AGBL4: variants seen among roughly 807,000 people sequenced by gnomAD.
AGBL4 encodes the protein cytosolic carboxypeptidase 6.
In AGBL4, 58 loss-of-function variants were observed where a neutral mutation model predicts 66.4. That is an observed-to-expected ratio of 0.87 (90% CI 0.71 to 1.09). The LOEUF is 1.09. Among genes scored for constraint, AGBL4 ranks in the 50% least tolerant of loss-of-function variants. The pLI is 0.00. For synonymous variants in AGBL4, 234 were observed against 222.9 expected, an observed-to-expected ratio of 1.05 and a Z score of -0.44; for missense variants, 579 against 631.0, an observed-to-expected ratio of 0.92 and a Z score of 0.88.
chr1:48,627,825 T>C (rs986638645), intron 9 of AGBL4, among the ~76,000 whole-genome samples: 5 of 152,068 alleles, frequency 3.3e-5, no homozygotes, highest in African/African-American at 9.7e-5. Context: ...TCTGAGGGAC[T>C]CTGGAGGTAA....
intron 4 of AGBL4, among the ~76,000 whole-genome samples, chr1:49,126,734 G>A (rs770449080): frequency 1.7e-4 from 26 of 152,030 alleles, no homozygotes; most frequent in Non-Finnish European, 1.5e-4. Flanking sequence ...TTATAACATG[G>A]TGCCTCTTTT....
chr1:48,682,545 AATACACCT>A (rs545628731), intron 6 of AGBL4, among the ~76,000 whole-genome samples: 2 of 151,934 alleles, frequency 1.3e-5, no homozygotes, highest in Non-Finnish European at 2.9e-5. Context: ...AGTAGCTGGG[AATACACCT>A]GGCTAATTTT....
At chr1:49,967,376 A>G (rs1253454096) in intron 1 of AGBL4, among the ~76,000 whole-genome samples, 1 of 152,214 alleles carries the variant, frequency 6.6e-6, no homozygotes, top group Non-Finnish European at 1.5e-5. Context: ...ACATGGATGA[A>G]GCTGGAAACC....
chr1:48,735,682 C>T (rs1648929725), intron 6 of AGBL4, among the ~76,000 whole-genome samples: 1 of 152,068 alleles, frequency 6.6e-6, no homozygotes, highest in Non-Finnish European at 1.5e-5. Context: ...AGAAAGGAAG[C>T]TGAATCTAGT....
intron 3 of AGBL4, among the ~76,000 whole-genome samples, chr1:49,381,789 T>C (rs1337142476): frequency 7.3e-6 from 1 of 137,412 alleles, no homozygotes; most frequent in Admixed American, 8.6e-5. Flanking sequence ...AGGTGGGAAT[T>C]GAACAATGAG....
chr1:49,980,502 A>G (rs966472056), intron 1 of AGBL4, among the ~76,000 whole-genome samples: 6 of 152,194 alleles, frequency 3.9e-5, no homozygotes, highest in African/African-American at 1.4e-4. Context: ...AATACCACAT[A>G]TAAGTGGAAT....
intron 3 of AGBL4, among the ~76,000 whole-genome samples, chr1:49,263,996 A>G (rs917728891): frequency 5.1e-4 from 78 of 152,306 alleles, no homozygotes; most frequent in African/African-American, 1.8e-3. Context: ...AGAAACTTCC[A>G]AAAACTATGT....
intron 5 of AGBL4, among the ~76,000 whole-genome samples, chr1:48,891,846 A>G (rs1294267643): frequency 6.6e-6 from 1 of 152,100 alleles, no homozygotes; most frequent in African/African-American, 2.4e-5. Context: ...CAGACACCCA[A>G]CCCTGAACTT....
At chr1:48,613,403 T>A (rs906703153) in intron 9 of AGBL4, among the ~76,000 whole-genome samples, 1 of 152,214 alleles carries the variant, frequency 6.6e-6, no homozygotes, top group Non-Finnish European at 1.5e-5. Flanking sequence ...CCTAAACTCA[T>A]ATTCTGATTC....
intron 3 of AGBL4, among the ~76,000 whole-genome samples, chr1:49,288,770 A>C (rs144314491): frequency 1.3e-5 from 2 of 152,320 alleles, no homozygotes; most frequent in East Asian, 3.9e-4. Context: ...CTTGAGATGA[A>C]GGGCTATGCC....
At chr1:48,803,766 C>T (rs1309583781) in intron 6 of AGBL4, among the ~76,000 whole-genome samples, 4 of 152,198 alleles carry the variant, frequency 2.6e-5, no homozygotes, top group Admixed American at 6.5e-5. Flanking sequence ...GTATCCTATG[C>T]TTTACCCTCT....
rs932230161 is a variant in AGBL4 at position 49,839,879 on chromosome 1, G to A, written c.157+11517C>T. Among the ~76,000 whole-genome samples the A allele has an allele frequency of 3.3e-5, 5 of 152,152 alleles. No individual in the cohort carries two copies. In the East Asian group the frequency reaches 9.6e-4, roughly 29 times the overall value. The stretch of plus-strand genomic sequence containing the variant: ...TAATTCTATGAGGGAAATTCCACGA[G>A]GGACAAGAAGCTAAACCCACTGGTC... On this transcript the variant is annotated intron_variant, in intron 2 of 13. Transcript: ENST00000371839.
intron 3 of AGBL4, among the ~76,000 whole-genome samples, chr1:49,664,029 T>A (rs1205005432): frequency 1.3e-5 from 2 of 152,032 alleles, no homozygotes; most frequent in African/African-American, 4.8e-5. Flanking sequence ...AATAAAGACA[T>A]AATTGAAGAA....
At chr1:48,528,024 G>A (rs1005139789), downstream of AGBL4, among the ~76,000 whole-genome samples, 1 of 152,196 alleles carries the variant, frequency 6.6e-6, no homozygotes, top group African/African-American at 2.4e-5. Flanking sequence ...GGTGGGAGTG[G>A]CTAGGAGGGA....
At chr1:49,951,871 C>A (rs889361454) in intron 1 of AGBL4, among the ~76,000 whole-genome samples, 2 of 151,702 alleles carry the variant, frequency 1.3e-5, no homozygotes, top group Non-Finnish European at 2.9e-5. Flanking sequence ...TTTAGCAGTT[C>A]ATTTATGGTT....
chr1:48,540,122 A>T (rs1644040981), intron 11 of AGBL4, among the ~76,000 whole-genome samples: 1 of 152,138 alleles, frequency 6.6e-6, no homozygotes, highest in African/African-American at 2.4e-5. Context: ...GAGCCAGGTA[A>T]GCAAAAAACC....
chr1:49,389,579 C>A (rs1644805300), intron 3 of AGBL4, among the ~76,000 whole-genome samples: 2 of 152,112 alleles, frequency 1.3e-5, no homozygotes, highest in South Asian at 4.1e-4. Context: ...CATGCCTGAA[C>A]TAAGCTGGTT....
rs561001636 is a variant in AGBL4 at position 48,951,229 on chromosome 1, A to G, written c.595-83999T>C. Reference sequence around the variant, plus strand: ...ATGGTCAGCAAAAGCATCAGAAGGTAGGACTACTGTGTGCTGCATTATGTC... The same window carrying G: ...ATGGTCAGCAAAAGCATCAGAAGGTGGGACTACTGTGTGCTGCATTATGTC... On this transcript the variant is annotated intron_variant, in intron 5 of 13. Coordinates refer to ENST00000371839, the MANE Select transcript of AGBL4 (RefSeq NM_032785.4). Among the ~76,000 whole-genome samples the G allele has an allele frequency of 7.9e-5, 12 of 152,290 alleles. No individual in the cohort carries two copies. In the East Asian group the frequency reaches 2.3e-3, roughly 29 times the overall value.
intron 6 of AGBL4, among the ~76,000 whole-genome samples, chr1:48,743,362 C>T (rs1186573439): frequency 2.6e-5 from 4 of 152,174 alleles, no homozygotes; most frequent in Admixed American, 1.3e-4. Flanking sequence ...ACACAAATTA[C>T]ATGCAGTTTA....
Sources: gnomAD v4.1 joint callset for allele counts (sites outside exome capture counted in the v4.1 genomes callset) on GRCh38, gnomAD v4.1.1 for gene constraint, MANE v1.5 for transcripts, NCBI Gene and HGNC (gene_info 2026-07-23, HGNC 2026-07-21) for gene names.